ADAM23: variants seen among roughly 807,000 people sequenced by gnomAD.
The protein encoded by ADAM23 is disintegrin and metalloproteinase domain-containing protein 23.
ADAM23 carries 33 observed loss-of-function variants against 120.1 expected under a neutral mutation model. The ratio of observed to expected loss-of-function variants is 0.27; its 90% CI spans 0.21 to 0.37. The LOEUF is 0.37. Among genes scored for constraint, ADAM23 ranks in the 10% least tolerant of loss-of-function variants. The pLI, the probability that ADAM23 is intolerant of heterozygous loss-of-function variation, is 1.00. For synonymous variants in ADAM23, 367 were observed against 375.2 expected (o/e 0.98, Z 0.25); for missense variants, 862 against 1,058.2 (o/e 0.81, Z 2.57).
At chr2:206,457,628 T>A (rs1365049901) in intron 2 of ADAM23, among the ~76,000 whole-genome samples, 1 of 152,192 alleles carries the variant, frequency 6.6e-6, no homozygotes, top group African/African-American at 2.4e-5. Flanking sequence ...TTTAAACTAC[T>A]AGCATTTTTA....
chr2:206,524,787 G>A (rs1696911534), intron 3 of ADAM23, among the ~76,000 whole-genome samples: 1 of 152,164 alleles, frequency 6.6e-6, no homozygotes, highest in African/African-American at 2.4e-5. Flanking sequence ...CAACACGTGG[G>A]AATTATGGGA....
intron 18 of ADAM23, 142 bp downstream of exon 18, chr2:206,573,337 G>A: frequency 1.3e-6 from 1 of 774,306 alleles, no homozygotes; most frequent in East Asian, 2.6e-5. Flanking sequence ...GAGATATCTT[G>A]GGGATGGGAC....
At chr2:206,485,585 G>C (rs1199659958) in intron 3 of ADAM23, among the ~76,000 whole-genome samples, 1 of 151,848 alleles carries the variant, frequency 6.6e-6, no homozygotes, top group Non-Finnish European at 1.5e-5. Flanking sequence ...AGGAGAGCCT[G>C]GTTTGCATCT....
At chr2:206,608,499 G>A (rs1574564426) in intron 24 of ADAM23, among the ~76,000 whole-genome samples, 1 of 152,146 alleles carries the variant, frequency 6.6e-6, no homozygotes, top group Non-Finnish European at 1.5e-5. Flanking sequence ...CAAGTGTTCA[G>A]TACTGTGTCC....
chr2:206,591,242 T>G (rs940951261), intron 21 of ADAM23, among the ~76,000 whole-genome samples: 2 of 152,122 alleles, frequency 1.3e-5, no homozygotes, highest in African/African-American at 4.8e-5. Flanking sequence ...CAAATAATTA[T>G]GAAGTGAACT....
intron 3 of ADAM23, among the ~76,000 whole-genome samples, chr2:206,508,102 T>A (rs1696533475): frequency 6.6e-6 from 1 of 152,154 alleles, no homozygotes; most frequent in African/African-American, 2.4e-5. Context: ...CAATCTCGGC[T>A]CACTGCAAGC....
chr2:206,545,900 A>G (rs935138559), intron 6 of ADAM23, among the ~76,000 whole-genome samples: 1 of 152,214 alleles, frequency 6.6e-6, no homozygotes, highest in Non-Finnish European at 1.5e-5. Flanking sequence ...CAGATTCCCA[A>G]ATAATAACTA....
chr2:206,584,930 C>T (rs1698294661), intron 18 of ADAM23, among the ~76,000 whole-genome samples: 1 of 152,140 alleles, frequency 6.6e-6, no homozygotes, highest in Non-Finnish European at 1.5e-5. Flanking sequence ...GCTTCCTCTA[C>T]CCCTGTATTT....
intron 11 of ADAM23, 127 bp downstream of exon 11, chr2:206,560,245 CT>C: frequency 1.0e-6 from 1 of 995,724 alleles, no homozygotes; most frequent in Non-Finnish European, 1.4e-6. Context: ...GTTCCTTTGT[CT>C]GTTAGATAAG....
intron 3 of ADAM23, among the ~76,000 whole-genome samples, chr2:206,509,918 G>A (rs1380128228): frequency 6.6e-6 from 1 of 152,178 alleles, no homozygotes; most frequent in African/African-American, 2.4e-5. Flanking sequence ...TCCTGAGCCC[G>A]TGGCTTTGAC....
At chr2:206,579,125 G>A (rs1023156793) in intron 18 of ADAM23, among the ~76,000 whole-genome samples, 2 of 151,950 alleles carry the variant, frequency 1.3e-5, no homozygotes, top group Non-Finnish European at 2.9e-5. Context: ...GTAGATTCTG[G>A]ATATTATTTC....
intron 3 of ADAM23, among the ~76,000 whole-genome samples, chr2:206,512,218 A>G (rs957579633): frequency 3.9e-5 from 6 of 152,232 alleles, no homozygotes; most frequent in Admixed American, 3.3e-4. Flanking sequence ...AATTACTTTC[A>G]ATTTTCTAAA....
intron 23 of ADAM23, 85 bp downstream of exon 23, chr2:206,594,990 A>G: frequency 6.5e-7 from 1 of 1,534,422 alleles, no homozygotes; most frequent in Non-Finnish European, 8.9e-7. Context: ...CCATTCTCCT[A>G]GCCAACATGG....
chr2:206,572,480 G>A (rs1377459653), intron 17 of ADAM23, among the ~76,000 whole-genome samples: 2 of 151,974 alleles, frequency 1.3e-5, no homozygotes, highest in Non-Finnish European at 2.9e-5. Context: ...ATATTAGGGG[G>A]TACTATGCAT....
chr2:206,496,600 G>A (rs1427213525), intron 3 of ADAM23, among the ~76,000 whole-genome samples: 3 of 152,210 alleles, frequency 2.0e-5, no homozygotes, highest in African/African-American at 7.2e-5. Flanking sequence ...AAGTAGAGAA[G>A]CAAGAGCATA....
At chr2:206,500,010 T>G (rs1268517248) in intron 3 of ADAM23, among the ~76,000 whole-genome samples, 1 of 152,162 alleles carries the variant, frequency 6.6e-6, no homozygotes, top group Middle Eastern at 3.2e-3. Context: ...TGAGTTTATC[T>G]CTCCTGAAGA....
chr2:206,481,255 C>T lies in ADAM23; in HGVS notation c.456C>T (p.Ser152=), dbSNP rs760122536. ...HNKAVHLAQA[S]FQIEAFGSKF... is the part of the protein sequence containing the mutation. ...AGGCTGTCCATCTGGCCCAGGCAAG[C>T]TTCCAGATTGAAGCCTTCGGCTCCA... Residue 152 remains serine, a synonymous_variant, in exon 3 of 26, where the codon AGC becomes AGT. Coordinates refer to ENST00000264377, the MANE Select transcript of ADAM23 (RefSeq NM_003812.4). The T allele has an allele frequency of 3.1e-6, 5 of 1,610,320 alleles. No homozygotes were observed. Among genetic ancestry groups the T allele is most frequent in the Middle Eastern group, 3.3e-4 (2 of 6,038 alleles).
chr2:206,490,024 A>G (rs746275864), intron 3 of ADAM23, among the ~76,000 whole-genome samples: 7 of 152,198 alleles, frequency 4.6e-5, no homozygotes, highest in East Asian at 1.9e-4. Context: ...GAATGTAACT[A>G]TATTTGGAAT....
At position 206,562,268 on chromosome 2, in the gene ADAM23, A is replaced by T. The variant is rs763169892; in HGVS notation, c.1320A>T (p.Gln440His). ...GCCTGGCTCAAAACCTTGGAATCCA[A>T]TGGGAACCTTCTAGCAGAAAGCCAA... is the stretch of plus-strand genomic sequence containing the variant. Reference protein sequence around the residue: ...SQSLAQNLGIQWEPSSRKPKC... With the variant: ...SQSLAQNLGIHWEPSSRKPKC... The change falls in exon 13 of 26, where the codon CAA becomes CAT. Residue 440 changes from glutamine (Q) to histidine (H), a missense_variant. Physicochemically the swap from Gln to His is conservative, Grantham distance 24 (BLOSUM62 0). Transcript: ENST00000264377. 1.1e-5 allele frequency: 18 copies of T among 1,613,954 alleles called. No homozygotes were observed. Among genetic ancestry groups the T allele is most frequent in the Non-Finnish European group, 1.4e-5 (17 of 1,179,960 alleles).
Sources: gnomAD v4.1 joint callset for allele counts (sites outside exome capture counted in the v4.1 genomes callset) on GRCh38, gnomAD v4.1.1 for gene constraint, MANE v1.5 for transcripts, NCBI Gene and HGNC (gene_info 2026-07-23, HGNC 2026-07-21) for gene names.